The following RALYL variants were observed in gnomAD, a reference collection of about 807,000 sequenced individuals.
RALYL encodes RALY RNA binding protein like.
In RALYL, 29 loss-of-function variants were observed where a neutral mutation model predicts 35.1. The ratio of observed to expected loss-of-function variants is 0.83; its 90% CI spans 0.61 to 1.13. RALYL has a LOEUF of 1.13. RALYL is among the 50% of genes most tolerant of loss of function. The pLI, the probability that RALYL is intolerant of heterozygous loss-of-function variation, is 0.00. For missense variants in RALYL, 359 were observed against 360.4 expected, an observed-to-expected ratio of 1.00 and a Z score of 0.03; for synonymous variants, 120 against 127.6, an observed-to-expected ratio of 0.94 and a Z score of 0.40.
intron 1 of RALYL, among the ~76,000 whole-genome samples, chr8:84,502,812 G>C (rs2056817232): frequency 6.6e-6 from 1 of 151,466 alleles, no homozygotes; most frequent in Non-Finnish European, 1.5e-5. Context: ...CCTAAATAAT[G>C]GCTTGATAAA....
At chr8:84,501,880 T>C (rs935782365) in intron 1 of RALYL, among the ~76,000 whole-genome samples, 1 of 150,688 alleles carries the variant, frequency 6.6e-6, no homozygotes. Flanking sequence ...ATGTTATTCA[T>C]AAATAATAAA....
intron 1 of RALYL, among the ~76,000 whole-genome samples, chr8:84,286,289 T>C (rs1837589142): frequency 6.6e-6 from 1 of 152,200 alleles, no homozygotes; most frequent in Non-Finnish European, 1.5e-5. Flanking sequence ...TCTTTTTCTC[T>C]GGTCATGTTT....
intron 2 of RALYL, among the ~76,000 whole-genome samples, chr8:84,562,213 T>G (rs1480663462): frequency 6.6e-6 from 1 of 151,932 alleles, no homozygotes; most frequent in Non-Finnish European, 1.5e-5. Flanking sequence ...TGTAACCTCA[T>G]CCCTGACTGA....
At chr8:84,356,408 A>G (rs1023648628) in intron 1 of RALYL, among the ~76,000 whole-genome samples, 1 of 150,418 alleles carries the variant, frequency 6.6e-6, no homozygotes, top group African/African-American at 2.5e-5. Context: ...CCAAGACGAT[A>G]CACTGGTTCA....
intron 1 of RALYL, among the ~76,000 whole-genome samples, chr8:84,306,178 G>A (rs988921371): frequency 1.0e-4 from 15 of 148,820 alleles, no homozygotes; most frequent in African/African-American, 3.2e-4. Context: ...AAAAAAAAAC[G>A]AAAACCCCAC....
Position 84,495,953 on chromosome 8 carries a change from T to G in RALYL, c.-23-33346T>G, listed in dbSNP as rs531350873. On this transcript the variant is annotated intron_variant, in intron 1 of 8. Coordinates refer to ENST00000521268, the MANE Select transcript of RALYL (RefSeq NM_173848.7). ...TAACTACTCACTGGCCATATTTTTT[T>G]AATAAGTTGTACTTCTCTGAATTTT... Among the ~76,000 whole-genome samples the G allele has an allele frequency of 4.3e-4, 65 of 152,266 alleles. 1 individual carries two copies. The South Asian group carries it at 0.013, about 30-fold the overall frequency.
chr8:84,394,873 G>A (rs1253815027), intron 1 of RALYL, among the ~76,000 whole-genome samples: 3 of 151,820 alleles, frequency 2.0e-5, no homozygotes, highest in Non-Finnish European at 2.9e-5. Flanking sequence ...GTTTTTCTCA[G>A]GGGTGGCATT....
rs1825808759 is a variant in RALYL, at chr8:84,639,222, T to C, written c.256+109645T>C. Among the ~76,000 whole-genome samples the C allele has an allele frequency of 2.0e-5, 3 of 151,676 alleles. No individual in the cohort carries two copies. In the South Asian group the frequency reaches 6.2e-4, roughly 31 times the overall value. Reference sequence around the variant, plus strand: ...ATAAGGGGCTGTGGGGCAGTTAACTTATTGACTGCTAGAGAAAAAGAAAAA... The same window carrying C: ...ATAAGGGGCTGTGGGGCAGTTAACTCATTGACTGCTAGAGAAAAAGAAAAA... On this transcript the variant is annotated intron_variant, in intron 2 of 8. Coordinates refer to ENST00000521268, the MANE Select transcript of RALYL (RefSeq NM_173848.7).
At chr8:84,304,124 T>C (rs1474991297) in intron 1 of RALYL, among the ~76,000 whole-genome samples, 3 of 152,112 alleles carry the variant, frequency 2.0e-5, no homozygotes, top group Non-Finnish European at 4.4e-5. Context: ...TGTTTATTTA[T>C]TTATTTATTT....
rs138981431 is a variant in RALYL, at chr8:84,326,629, G to T, written c.-24+142205G>T. On this transcript the variant is annotated intron_variant, in intron 1 of 8. Coordinates refer to ENST00000521268, the MANE Select transcript of RALYL (RefSeq NM_173848.7). The stretch of plus-strand genomic sequence containing the variant: ...AATAAATACATACGTTTATATTTCT[G>T]CAGCAACATGTTTCAAGATCAAAAC... Among the ~76,000 whole-genome samples the T allele has an allele frequency of 7.8e-3, 1,180 of 152,034 alleles. 20 individuals carry two copies. The highest frequency in any genetic ancestry group is 0.027 in the African/African-American group (1,135 of 41,468).
intron 2 of RALYL, among the ~76,000 whole-genome samples, chr8:84,661,910 C>G (rs1232157578): frequency 6.6e-6 from 1 of 150,520 alleles, no homozygotes; most frequent in Admixed American, 6.6e-5. Flanking sequence ...CTGGAGCCAG[C>G]TCTGCTTAGT....
At chr8:84,454,137 T>G (rs1587410936) in intron 1 of RALYL, among the ~76,000 whole-genome samples, 1 of 151,954 alleles carries the variant, frequency 6.6e-6, no homozygotes. Context: ...GTGGGGTGTG[T>G]GCCACGTGGG....
chr8:84,422,986 G>A, intron 1 of RALYL, among the ~76,000 whole-genome samples: 1 of 147,060 alleles, frequency 6.8e-6, no homozygotes, highest in Non-Finnish European at 1.5e-5. Flanking sequence ...GTCAATTTTG[G>A]AATAGGTGTG....
intron 4 of RALYL, among the ~76,000 whole-genome samples, chr8:84,833,443 G>A (rs1392905642): frequency 6.6e-6 from 1 of 151,978 alleles, no homozygotes; most frequent in East Asian, 1.9e-4. Flanking sequence ...TTTGAGACCA[G>A]CCTGGCCAAC....
intron 2 of RALYL, among the ~76,000 whole-genome samples, chr8:84,571,384 T>C (rs1348300357): frequency 6.6e-6 from 1 of 151,890 alleles, no homozygotes; most frequent in Non-Finnish European, 1.5e-5. Context: ...TCCTTTAGGT[T>C]TTCTAGTTTT....
At chr8:84,684,981 G>C (rs943880563) in intron 2 of RALYL, among the ~76,000 whole-genome samples, 1 of 152,144 alleles carries the variant, frequency 6.6e-6, no homozygotes, top group Non-Finnish European at 1.5e-5. Flanking sequence ...TCGCCATTTT[G>C]CTGTGTGCTC....
chr8:84,243,211 G>C (rs1198756132), intron 1 of RALYL, among the ~76,000 whole-genome samples: 3 of 152,086 alleles, frequency 2.0e-5, no homozygotes, highest in African/African-American at 4.8e-5. Context: ...ATGCTGTTTG[G>C]TTACTGTAGC....
Position 84,447,133 on chromosome 8 carries a change from A to G in RALYL, c.-23-82166A>G, listed in dbSNP as rs943870181. Among the ~76,000 whole-genome samples, 8 of 152,096 alleles carry G rather than the reference A, an allele frequency of 5.3e-5. No individual in the cohort carries two copies. In the South Asian group the frequency reaches 1.7e-3, roughly 32 times the overall value. On this transcript the variant is annotated intron_variant, in intron 1 of 8. Transcript: ENST00000521268. The stretch of plus-strand genomic sequence containing the variant: ...TATTACTTGTCTGATTCCAGGAGAC[A>G]TCTGAGTTTGTGGCCCTAATTAACA...
At chr8:84,301,731 C>T (rs1049474733) in intron 1 of RALYL, among the ~76,000 whole-genome samples, 1 of 152,006 alleles carries the variant, frequency 6.6e-6, no homozygotes, top group African/African-American at 2.4e-5. Context: ...GATAATTTTA[C>T]TAGTAAACTA....
Sources: allele counts gnomAD v4.1 joint callset (sites outside exome capture counted in the v4.1 genomes callset), GRCh38; gene constraint gnomAD v4.1.1; transcripts MANE v1.5; gene names NCBI Gene and HGNC (gene_info 2026-07-23, HGNC 2026-07-21).